Variants in PRAMEF14 observed in about 807,000 individuals in gnomAD.
PRAMEF14 encodes the protein PRAME family member 14.
PRAMEF14 carries 24 observed loss-of-function variants against 38.3 expected under a neutral mutation model. The ratio of observed to expected loss-of-function variants is 0.63; its 90% CI spans 0.45 to 0.88. The LOEUF is 0.88. PRAMEF14 is among the 40% of genes least tolerant of loss of function. PRAMEF14 has a pLI of 0.00. For missense variants in PRAMEF14, 477 were observed against 570.8 expected (o/e 0.84, Z 1.67); for synonymous variants, 194 against 226.4 (o/e 0.86, Z 1.29).
intron 1 of PRAMEF14, among the ~76,000 whole-genome samples, chr1:13,345,959 A>G (rs1297450951): frequency 1.3e-5 from 2 of 151,068 alleles, no homozygotes; most frequent in African/African-American, 4.8e-5. Context: ...AAACAAAAAC[A>G]AACTGATAAA....
intron 3 of PRAMEF14, among the ~76,000 whole-genome samples, 187 bp from the exon 4 acceptor site, chr1:13,343,273 C>T (rs1345312683): frequency 1.6e-4 from 24 of 149,960 alleles, no homozygotes; most frequent in African/African-American, 5.8e-4. Flanking sequence ...TAGCCTCAGC[C>T]CTTTCAACAT....
intron 3 of PRAMEF14, chr1:13,343,467 A>C (rs1363882473): frequency 1.7e-6 from 1 of 583,506 alleles, no homozygotes; most frequent in Non-Finnish European, 2.9e-6. Flanking sequence ...GCTCCCTGAC[A>C]TGCCTGCATC....
In PRAMEF14 at chr1:13,342,720, C is replaced by G. The variant is rs747224136; in HGVS notation, c.1233G>C (p.Thr411=). Residue 411 remains threonine, a synonymous_variant, in exon 4 of 4, where the codon ACG becomes ACC. Transcript: ENST00000334600. ...TCAAACTCTCCTCAGGGGCAGGATA[C>G]GTCTCCAGGCTTAACTTGCTCAGCC... ...TSGLSKLSLE[T]YPAPEESLNS... is the part of the protein sequence containing the mutation. 5.0e-6 allele frequency: 8 copies of G among 1,605,214 alleles called. No homozygotes were observed. Among genetic ancestry groups the G allele is most frequent in the South Asian group, 1.1e-5 (1 of 90,514 alleles).
chr1:13,342,183 C>G lies in PRAMEF14; in HGVS notation c.*345G>C. Reference sequence around the variant, plus strand: ...CTCATTGATGTCACCTCAACATTTTCCTCCAGCCTTGCCCCCTGCTGTTAT... The same window carrying G: ...CTCATTGATGTCACCTCAACATTTTGCTCCAGCCTTGCCCCCTGCTGTTAT... On this transcript the variant is annotated 3_prime_UTR_variant, in exon 4 of 4. Coordinates refer to ENST00000334600, the MANE Select transcript of PRAMEF14 (RefSeq NM_001024661.2). The G allele has an allele frequency of 3.1e-6, 1 of 319,988 alleles. No homozygotes were observed. The highest frequency in any genetic ancestry group is 4.1e-5 in the South Asian group (1 of 24,402). The allele number at this position is 319,988 out of a possible 1,614,324, so 19.8% of individuals were successfully genotyped here.
chr1:13,345,591 A>T (rs1640392177), intron 1 of PRAMEF14, among the ~76,000 whole-genome samples: 1 of 150,864 alleles, frequency 6.6e-6, no homozygotes, highest in Non-Finnish European at 1.5e-5. Flanking sequence ...AGCAATGAGA[A>T]TGAGAGTGTC....
chr1:13,342,442 A>G lies in PRAMEF14; in HGVS notation c.*86T>C. ...ATGAAATAAATAAGAAAAGAGAAAA[A>G]TAGTTTGCACCTACATAGTAGATTT... On this transcript the variant is annotated 3_prime_UTR_variant, in exon 4 of 4. Coordinates refer to ENST00000334600, the MANE Select transcript of PRAMEF14 (RefSeq NM_001024661.2). 2 of 1,527,824 alleles carry G rather than the reference A, an allele frequency of 1.3e-6. No homozygotes were observed. Among genetic ancestry groups the G allele is most frequent in the East Asian group, 2.4e-5 (1 of 41,454 alleles). 94.6% of individuals were successfully genotyped at this position (1,527,824 alleles called of 1,614,324 possible).
At position 13,345,335 on chromosome 1, in the gene PRAMEF14, A is replaced by G; in HGVS notation, c.-21T>C. 4 of 1,603,578 alleles carry G rather than the reference A, an allele frequency of 2.5e-6. No individual in the cohort carries two copies. Among genetic ancestry groups the G allele is most frequent in the Non-Finnish European group, 3.4e-6 (4 of 1,176,748 alleles). ...CTCATCCTGATAGATCTGCAAGAAA[A>G]ATCTCTAGAAGACAAATCCAGGGAA... On this transcript the variant is annotated 5_prime_UTR_variant, in exon 2 of 4. Transcript: ENST00000334600.
chr1:13,343,140 G>A (rs1640353901), intron 3 of PRAMEF14, 54 bp from the exon 4 acceptor site: 1 of 1,480,238 alleles, frequency 6.8e-7, no homozygotes. Flanking sequence ...GATGAAGGTA[G>A]TGCCTTCATC....
chr1:13,344,711 T>C (rs1640379257), intron 2 of PRAMEF14, 95 bp from the exon 3 acceptor site: 4 of 1,537,982 alleles, frequency 2.6e-6, no homozygotes, highest in Non-Finnish European at 1.8e-6. Context: ...GCTCCTGTCC[T>C]CAGTGCTCCC....
intron 3 of PRAMEF14, chr1:13,343,706 A>C: frequency 7.4e-7 from 1 of 1,350,176 alleles, no homozygotes; most frequent in Non-Finnish European, 9.8e-7. Flanking sequence ...CTCCTCTATT[A>C]TCTCTTTGAC....
rs1553125267 is a variant in PRAMEF14, at chr1:13,342,182, T to C, written c.*346A>G. On this transcript the variant is annotated 3_prime_UTR_variant, in exon 4 of 4. Transcript: ENST00000334600. The stretch of plus-strand genomic sequence containing the variant: ...TCTCATTGATGTCACCTCAACATTT[T>C]CCTCCAGCCTTGCCCCCTGCTGTTA... 7.9e-5 allele frequency: 25 copies of C among 317,874 alleles called. 1 individual carries two copies. In the East Asian group the frequency reaches 1.1e-3, roughly 14 times the overall value. The allele number at this position is 317,874 out of a possible 1,614,324, so 19.7% of individuals were successfully genotyped here. A position where few individuals can be genotyped will look rare whatever the true frequency, so the allele number is the denominator to read the frequency against.
chr1:13,344,192 C>A lies in PRAMEF14; in HGVS notation c.712G>T (p.Val238Phe), dbSNP rs1331642258. 1,035 of 1,607,106 alleles carry A rather than the reference C, an allele frequency of 6.4e-4. 33 individuals are homozygous for A. The highest frequency in any genetic ancestry group is 8.3e-4 in the Middle Eastern group (5 of 6,038). Reference protein sequence around the residue: ...LKEMKNLRKLVFSRCHHSMSD... With the variant: ...LKEMKNLRKLFFSRCHHSMSD... Reference sequence around the variant, plus strand: ...ATGGAATGATGGCACCTGGAGAAAACGAGTTTGCGAAGATTCTTCATCTCC... The same window carrying A: ...ATGGAATGATGGCACCTGGAGAAAAAGAGTTTGCGAAGATTCTTCATCTCC... The change falls in exon 3 of 4, where the codon GTT (valine) becomes TTT (phenylalanine). Residue 238 changes from valine (V) to phenylalanine (F), a missense_variant. Physicochemically the swap from Val to Phe is conservative, Grantham distance 50 (BLOSUM62 -1). Coordinates refer to ENST00000334600, the MANE Select transcript of PRAMEF14 (RefSeq NM_001024661.2).
chr1:13,345,345 A>T lies in PRAMEF14; in HGVS notation c.-25-6T>A, dbSNP rs1348665435. 1 of 1,602,532 alleles carries T rather than the reference A, an allele frequency of 6.2e-7. No individual in the cohort carries two copies. The highest frequency in any genetic ancestry group is 8.5e-7 in the Non-Finnish European group (1 of 1,176,296). The stretch of plus-strand genomic sequence containing the variant: ...TAGATCTGCAAGAAAAATCTCTAGA[A>T]GACAAATCCAGGGAAAATGTATCAC... On this transcript the variant is annotated splice_region_variant and splice_polypyrimidine_tract_variant and intron_variant, in intron 1 of 3. Coordinates refer to ENST00000334600, the MANE Select transcript of PRAMEF14 (RefSeq NM_001024661.2).
rs1451547216 is a variant in PRAMEF14 at position 13,341,912 on chromosome 1, G to C, written c.*616C>G. 1 of 154,310 alleles carries C rather than the reference G, an allele frequency of 6.5e-6. No homozygotes were observed. The highest frequency in any genetic ancestry group is 1.4e-5 in the Non-Finnish European group (1 of 69,486). The allele number at this position is 154,310 out of a possible 1,614,324, so 9.6% of individuals were successfully genotyped here. ...TACTTAAAATGATCAAATTCTATTTGGTTGCTTTGATGTTCTACAGCTGAA... is the reference window on the plus strand; with the variant it reads ...TACTTAAAATGATCAAATTCTATTTCGTTGCTTTGATGTTCTACAGCTGAA... On this transcript the variant is annotated 3_prime_UTR_variant, in exon 4 of 4. Transcript: ENST00000334600.
chr1:13,343,838 C>A, intron 3 of PRAMEF14, 200 bp downstream of exon 3: 1 of 1,492,060 alleles, frequency 6.7e-7, no homozygotes, highest in Non-Finnish European at 8.9e-7. Flanking sequence ...CCCAGGTGAC[C>A]CCTCTGCCCT....
At chr1:13,343,577 AAAC>A in intron 3 of PRAMEF14, 3 of 1,313,626 alleles carry the variant, frequency 2.3e-6, no homozygotes, top group Non-Finnish European at 3.0e-6. Context: ...CTGGAGTTCA[AAAC>A]AACCTTTTAC....
Position 13,344,603 on chromosome 1 carries a change from G to A in PRAMEF14, c.301C>T (p.Gln101Ter). ...TCAACATCCCGCAAATCCAGCACTT[G>A]AAGTTTCCACCTCCTGTGGGTAAAG... ...QKDRPRRWKL[Q>*]VLDLRDVDEN... The change falls in exon 3 of 4, where the codon CAA becomes TAA. Residue 101 changes from glutamine to a stop codon, truncating the protein, a stop_gained. Transcript: ENST00000334600. LOFTEE classifies it high-confidence loss of function. 6.2e-7 allele frequency: 1 copy of A among 1,604,246 alleles called. No individual in the cohort carries two copies. Among genetic ancestry groups the A allele is most frequent in the Non-Finnish European group, 8.5e-7 (1 of 1,176,994 alleles).
chr1:13,344,423 C>T lies in PRAMEF14; in HGVS notation c.481G>A (p.Asp161Asn). ...IDICLKEIPQ[D>N]ECLRYLFQWV... is the part of the protein sequence containing the mutation. ...TGAAAGAGGTATCTCAGGCATTCAT[C>T]CTGGGGTATTTCCTTGAGGCAGATG... Residue 161 changes from aspartate to asparagine, a missense_variant, in exon 3 of 4, where the codon GAT becomes AAT. Coordinates refer to ENST00000334600, the MANE Select transcript of PRAMEF14 (RefSeq NM_001024661.2). 1 of 1,604,960 alleles carries T rather than the reference C, an allele frequency of 6.2e-7. No individual in the cohort carries two copies. The highest frequency in any genetic ancestry group is 8.5e-7 in the Non-Finnish European group (1 of 1,177,292).
chr1:13,346,085 A>C (rs1273284020), intron 1 of PRAMEF14, among the ~76,000 whole-genome samples: 4 of 151,122 alleles, frequency 2.6e-5, no homozygotes, highest in Non-Finnish European at 5.9e-5. Context: ...CAGGGAGCCC[A>C]GCTCAGGGCC....
Sources: gnomAD v4.1 joint callset for allele counts (sites outside exome capture counted in the v4.1 genomes callset) on GRCh38, gnomAD v4.1.1 for gene constraint, MANE v1.5 for transcripts, NCBI Gene and HGNC (gene_info 2026-07-23, HGNC 2026-07-21) for gene names.